CAP2: variants seen among roughly 807,000 people sequenced by gnomAD.
The protein encoded by CAP2 is adenylyl cyclase-associated protein 2.
A neutral mutation model predicts 57.7 loss-of-function variants in CAP2; 24 were observed. The ratio of observed to expected loss-of-function variants is 0.42; its 90% CI spans 0.30 to 0.58. The LOEUF (loss-of-function observed/expected upper bound fraction) is 0.58. Ranked by LOEUF, CAP2 falls within the 20% of genes least tolerant of loss-of-function variation. The pLI, the probability that CAP2 is intolerant of heterozygous loss-of-function variation, is 0.22. For missense variants in CAP2, 501 were observed against 590.3 expected, an observed-to-expected ratio of 0.85 and a Z score of 1.57; for synonymous variants, 194 against 207.2, an observed-to-expected ratio of 0.94 and a Z score of 0.55.
At chr6:17,479,836 C>T (rs1310592371) in intron 4 of CAP2, among the ~76,000 whole-genome samples, 1 of 151,750 alleles carries the variant, frequency 6.6e-6, no homozygotes, top group African/African-American at 2.4e-5. Context: ...AGGATGATCT[C>T]GATCTCCTGA....
chr6:17,437,695 G>A (rs1488132233), intron 3 of CAP2, among the ~76,000 whole-genome samples: 2 of 151,998 alleles, frequency 1.3e-5, no homozygotes, highest in Non-Finnish European at 2.9e-5. Context: ...TGGCCAACAC[G>A]GTGAAACCCT....
At chr6:17,402,223 C>A (rs1361430525) in intron 1 of CAP2, among the ~76,000 whole-genome samples, 1 of 152,164 alleles carries the variant, frequency 6.6e-6, no homozygotes, top group Non-Finnish European at 1.5e-5. Context: ...TCCATAATCA[C>A]CTTCCTCTTG....
At chr6:17,455,188 A>G (rs189189703) in intron 3 of CAP2, among the ~76,000 whole-genome samples, 1 of 152,274 alleles carries the variant, frequency 6.6e-6, no homozygotes, top group African/African-American at 2.4e-5. Flanking sequence ...GATAAGATCT[A>G]AGCTTATAAG....
chr6:17,419,426 G>A (rs139234072), intron 1 of CAP2, among the ~76,000 whole-genome samples: 38 of 152,216 alleles, frequency 2.5e-4, no homozygotes, highest in East Asian at 1.9e-4. Flanking sequence ...GCTTGTTGTC[G>A]TCTCTTAAGG....
At chr6:17,454,639 G>A (rs953492275) in intron 3 of CAP2, among the ~76,000 whole-genome samples, 12 of 152,204 alleles carry the variant, frequency 7.9e-5, no homozygotes, top group African/African-American at 2.9e-4. Flanking sequence ...TCCCATGACT[G>A]GCTTAACTCT....
chr6:17,474,185 C>CTTTTTT (rs544909381), intron 4 of CAP2, among the ~76,000 whole-genome samples: 89 of 93,184 alleles, frequency 9.6e-4, no homozygotes, highest in Middle Eastern at 8.5e-3. Context: ...AAAAAACAGT[C>CTTTTTT]TTTTTTTTTT....
intron 4 of CAP2, among the ~76,000 whole-genome samples, chr6:17,496,672 T>C (rs544869635): frequency 1.3e-5 from 2 of 152,254 alleles, no homozygotes; most frequent in East Asian, 3.9e-4. Flanking sequence ...GAAGATGATG[T>C]TACCCTTAAA....
rs192857062 is a variant in CAP2, at chr6:17,395,117, T to G, written c.-2+1371T>G. On this transcript the variant is annotated intron_variant, in intron 1 of 12. Transcript: ENST00000229922. ...CTATGAGAAATCAGGAAGGTGATTA[T>G]CAAGGTGGTCTTTGCTAGTAGGAAG... Among the ~76,000 whole-genome samples, 70 of 152,340 alleles carry G rather than the reference T, an allele frequency of 4.6e-4. 1 individual carries two copies. Among genetic ancestry groups the G allele is most frequent in the African/African-American group, 1.6e-3 (67 of 41,584 alleles).
At chr6:17,474,451 T>A (rs1761098887) in intron 4 of CAP2, among the ~76,000 whole-genome samples, 1 of 152,214 alleles carries the variant, frequency 6.6e-6, no homozygotes, top group African/African-American at 2.4e-5. Flanking sequence ...CAGGCCTTGT[T>A]CATCTTACAT....
At chr6:17,471,170 G>A (rs1038867971) in intron 4 of CAP2, among the ~76,000 whole-genome samples, 37 of 152,152 alleles carry the variant, frequency 2.4e-4, no homozygotes, top group African/African-American at 8.2e-4. Flanking sequence ...AGCAAACGAA[G>A]GAACACAGAG....
At chr6:17,443,876 T>C (rs968622461) in intron 3 of CAP2, among the ~76,000 whole-genome samples, 6 of 152,246 alleles carry the variant, frequency 3.9e-5, no homozygotes, top group Non-Finnish European at 5.9e-5. Flanking sequence ...CACACACATA[T>C]GTTATAACAT....
chr6:17,539,140 C>T, intron 7 of CAP2, 129 bp from the exon 8 acceptor site: 1 of 780,550 alleles, frequency 1.3e-6, no homozygotes, highest in Non-Finnish European at 2.1e-6. Context: ...ACAGGTGTGC[C>T]CTCTGGGAGC....
chr6:17,547,670 T>C (rs1460804181), intron 11 of CAP2, among the ~76,000 whole-genome samples: 5 of 151,658 alleles, frequency 3.3e-5, no homozygotes, highest in East Asian at 3.9e-4. Flanking sequence ...TGAAACCCTG[T>C]CTCTACTAAA....
chr6:17,436,885 C>G (rs1759906040), intron 3 of CAP2, among the ~76,000 whole-genome samples: 2 of 152,174 alleles, frequency 1.3e-5, no homozygotes, highest in African/African-American at 4.8e-5. Context: ...GCATTACTAC[C>G]TGAGCTCTGC....
intron 7 of CAP2, among the ~76,000 whole-genome samples, chr6:17,529,164 T>G (rs1762577669): frequency 6.6e-6 from 1 of 152,240 alleles, no homozygotes; most frequent in Admixed American, 6.5e-5. Flanking sequence ...ATCTTTTAGT[T>G]TTATGTGCAC....
At chr6:17,531,054 G>T in intron 7 of CAP2, 2 of 801,108 alleles carry the variant, frequency 2.5e-6, no homozygotes, top group Non-Finnish European at 4.4e-6. Flanking sequence ...TTTTCCAATG[G>T]TATAGATCTC....
At chr6:17,433,214 A>G (rs933367077) in intron 3 of CAP2, among the ~76,000 whole-genome samples, 4 of 152,184 alleles carry the variant, frequency 2.6e-5, no homozygotes, top group African/African-American at 9.7e-5. Flanking sequence ...GCCAGGGAAA[A>G]CACCATGAGA....
At chr6:17,489,486 C>A (rs1426404774) in intron 4 of CAP2, among the ~76,000 whole-genome samples, 1 of 151,952 alleles carries the variant, frequency 6.6e-6, no homozygotes, top group African/African-American at 2.4e-5. Flanking sequence ...ACAGTAACTA[C>A]CATTCAGTAC....
chr6:17,535,720 C>T (rs1028069592), intron 7 of CAP2, among the ~76,000 whole-genome samples: 2 of 152,008 alleles, frequency 1.3e-5, no homozygotes, highest in African/African-American at 2.4e-5. Context: ...GATTTCCTGC[C>T]GTATTTTTGT....
Sources: allele counts gnomAD v4.1 joint callset (sites outside exome capture counted in the v4.1 genomes callset), GRCh38; gene constraint gnomAD v4.1.1; transcripts MANE v1.5; gene names NCBI Gene and HGNC (gene_info 2026-07-23, HGNC 2026-07-21).